Variants in GABRR1 observed in about 807,000 individuals in gnomAD.
GABRR1 encodes the protein gamma-aminobutyric acid receptor subunit rho-1.
In GABRR1, 59 loss-of-function variants were observed where a neutral mutation model predicts 55.5. The ratio of observed to expected loss-of-function variants is 1.06; its 90% CI spans 0.86 to 1.32. GABRR1 has a LOEUF of 1.32. Among genes scored for constraint, GABRR1 ranks in the 40% most tolerant of loss-of-function variants. GABRR1 has a pLI of 0.00. For missense variants in GABRR1, 602 were observed against 619.1 expected (o/e 0.97, Z 0.29); for synonymous variants, 213 against 226.0 (o/e 0.94, Z 0.51).
intron 1 of GABRR1, among the ~76,000 whole-genome samples, chr6:89,222,371 A>G (rs1248553718): frequency 2.0e-5 from 3 of 152,176 alleles, no homozygotes; most frequent in Non-Finnish European, 4.4e-5. Context: ...ATTCCTGTAA[A>G]CCCACTTTGT....
At chr6:89,202,055 C>A (rs1437190243) in intron 2 of GABRR1, among the ~76,000 whole-genome samples, 1 of 152,126 alleles carries the variant, frequency 6.6e-6, no homozygotes, top group Non-Finnish European at 1.5e-5. Flanking sequence ...GGGAGCGGGA[C>A]CTTGCCCTCA....
Position 89,185,409 on chromosome 6 carries a change from C to T in GABRR1, c.697G>A (p.Gly233Ser), listed in dbSNP as rs1771872590. Residue 233 changes from glycine (G) to serine (S), a missense_variant, in exon 7 of 10, where the codon GGC (glycine) becomes AGC (serine). Gly to Ser is a moderately conservative substitution (Grantham distance 56). Coordinates refer to ENST00000454853, the MANE Select transcript of GABRR1 (RefSeq NM_002042.5). The stretch of plus-strand genomic sequence containing the variant: ...TCATCTGTCTTTAAGGAGTCATTGC[C>T]CTTTTTCCAGTACAGCATGAGGTCA... ...EDDLMLYWKK[G>S]NDSLKTDERI... 2 of 1,613,548 alleles carry T rather than the reference C, an allele frequency of 1.2e-6. No individual in the cohort carries two copies. The highest frequency in any genetic ancestry group is 1.3e-5 in the African/African-American group (1 of 74,886).
intron 1 of GABRR1, among the ~76,000 whole-genome samples, chr6:89,210,969 C>A (rs1772817029): frequency 6.6e-6 from 1 of 151,846 alleles, no homozygotes; most frequent in Non-Finnish European, 1.5e-5. Context: ...GGTGACACCT[C>A]TGCTAAATAT....
intron 3 of GABRR1, 130 bp from the exon 4 acceptor site, chr6:89,199,559 C>T: frequency 5.4e-6 from 4 of 746,432 alleles, no homozygotes; most frequent in Non-Finnish European, 9.0e-6. Flanking sequence ...GTCATGGCAA[C>T]CTGAAGTCAA....
intron 4 of GABRR1, 122 bp downstream of exon 4, chr6:89,199,240 T>G (rs1042741086): frequency 1.2e-6 from 1 of 816,556 alleles, no homozygotes; most frequent in Admixed American, 2.0e-5. Context: ...GAAAAAGTAG[T>G]GTGGGGATTC....
At chr6:89,229,790 C>G (rs1032494555) in intron 1 of GABRR1, among the ~76,000 whole-genome samples, 2 of 105,394 alleles carry the variant, frequency 1.9e-5, no homozygotes, top group Admixed American at 1.0e-4. Context: ...TCTGTATTTC[C>G]TGAATCTGAA....
chr6:89,210,552 C>T (rs1013100176), intron 1 of GABRR1, among the ~76,000 whole-genome samples: 1 of 152,064 alleles, frequency 6.6e-6, no homozygotes, highest in Admixed American at 6.5e-5. Flanking sequence ...GGTCTGTCTC[C>T]CCCACTAGAC....
chr6:89,190,255 C>CA lies in GABRR1; in HGVS notation c.573-9dup. On this transcript the variant is annotated splice_polypyrimidine_tract_variant and intron_variant, in intron 5 of 9. Coordinates refer to ENST00000454853, the MANE Select transcript of GABRR1 (RefSeq NM_002042.5). ...ATTGCAGTTACTGTAACCCTAGGGC[C>CA]AAAAAGACAAAATTGATTTATTCAG... 1 of 1,588,044 alleles carries CA rather than the reference C, an allele frequency of 6.3e-7. No homozygotes were observed. Among genetic ancestry groups the CA allele is most frequent in the South Asian group, 1.1e-5 (1 of 87,102 alleles).
intron 1 of GABRR1, among the ~76,000 whole-genome samples, chr6:89,226,562 A>T (rs1222631380): frequency 6.6e-6 from 1 of 150,482 alleles, no homozygotes; most frequent in African/African-American, 2.5e-5. Context: ...TTTGTCAAAG[A>T]TCAGATAGTT....
rs556629024 is a variant in GABRR1, at chr6:89,230,612, C to T, written c.-411+604G>A. ...TCAGGGACCCGCTTGAGGAGGCAGT[C>T]TGCCGGTTCTCAGATCTCCAGCTGC... is the stretch of plus-strand genomic sequence containing the variant. On this transcript the variant is annotated intron_variant, in intron 1 of 11. Transcript: ENST00000369451. Among the ~76,000 whole-genome samples the T allele has an allele frequency of 5.2e-3, 788 of 152,262 alleles. 8 individuals are homozygous for T. Among genetic ancestry groups the T allele is most frequent in the African/African-American group, 0.018 (750 of 41,580 alleles).
intron 6 of GABRR1, among the ~76,000 whole-genome samples, chr6:89,187,883 G>C (rs1005698290): frequency 2.6e-5 from 4 of 152,130 alleles, no homozygotes; most frequent in Non-Finnish European, 5.9e-5. Flanking sequence ...ATGGACACTT[G>C]GGTTGTTTTC....
At chr6:89,185,216 T>A (rs1182528656) in intron 7 of GABRR1, 94 bp downstream of exon 7, 1 of 1,505,752 alleles carries the variant, frequency 6.6e-7, no homozygotes, top group African/African-American at 1.4e-5. Context: ...ACTGCTCACC[T>A]GACGACCAAT....
intron 1 of GABRR1, among the ~76,000 whole-genome samples, chr6:89,225,025 C>T (rs1773176707): frequency 6.6e-6 from 1 of 152,206 alleles, no homozygotes; most frequent in South Asian, 2.1e-4. Context: ...TCGTGATCCA[C>T]CCGCCTTGGC....
chr6:89,216,116 C>T (rs1447211346), intron 1 of GABRR1, among the ~76,000 whole-genome samples: 1 of 152,202 alleles, frequency 6.6e-6, no homozygotes, highest in Non-Finnish European at 1.5e-5. Flanking sequence ...ACCATGACCA[C>T]TGGATATTTC....
At chr6:89,188,612 T>TTG (rs1023561749) in intron 6 of GABRR1, among the ~76,000 whole-genome samples, 3 of 151,792 alleles carry the variant, frequency 2.0e-5, no homozygotes, top group Non-Finnish European at 4.4e-5. Flanking sequence ...GATTGTTTTG[T>TTG]TGTTGTTGTT....
intron 7 of GABRR1, 35 bp from the exon 8 acceptor site, chr6:89,182,092 A>G (rs1343506723): frequency 6.2e-6 from 10 of 1,608,426 alleles, no homozygotes; most frequent in Non-Finnish European, 8.5e-6. Flanking sequence ...AGTACACATC[A>G]TGGCTCCTTC....
intron 6 of GABRR1, among the ~76,000 whole-genome samples, chr6:89,185,821 T>C (rs1223807857): frequency 6.6e-6 from 1 of 152,162 alleles, no homozygotes; most frequent in Non-Finnish European, 1.5e-5. Flanking sequence ...AAATGGAGAG[T>C]AATTTAGCCT....
chr6:89,193,184 T>A (rs1213939221), intron 5 of GABRR1, among the ~76,000 whole-genome samples: 1 of 152,206 alleles, frequency 6.6e-6, no homozygotes, highest in Non-Finnish European at 1.5e-5. Flanking sequence ...TGATCTAGAA[T>A]CTGGCATGGC....
chr6:89,203,353 A>C, intron 2 of GABRR1, 82 bp downstream of exon 2: 55 of 1,196,622 alleles, frequency 4.6e-5, no homozygotes, highest in Non-Finnish European at 6.5e-5. Flanking sequence ...GGGGTCGGGG[A>C]GGGGCCCTGC....
Sources: gnomAD v4.1 joint callset for allele counts (sites outside exome capture counted in the v4.1 genomes callset) on GRCh38, gnomAD v4.1.1 for gene constraint, MANE v1.5 for transcripts, NCBI Gene and HGNC (gene_info 2026-07-23, HGNC 2026-07-21) for gene names.